The following CNTROB variants were observed in gnomAD, a reference collection of about 807,000 sequenced individuals.
CNTROB encodes the protein centrobin, centriole duplication and spindle assembly protein.
In CNTROB, 82 loss-of-function variants were observed where a neutral mutation model predicts 115.7. That is an observed-to-expected ratio of 0.71 (90% confidence interval 0.59 to 0.85). CNTROB has a LOEUF of 0.85. Among genes scored for constraint, CNTROB ranks in the 40% least tolerant of loss-of-function variants. The pLI, the probability that CNTROB is intolerant of heterozygous loss-of-function variation, is 0.00. For synonymous variants in CNTROB, 439 were observed against 456.4 expected (o/e 0.96, Z 0.49); for missense variants, 1,014 against 1,144.4 (o/e 0.89, Z 1.64).
rs1972861630 is a variant in CNTROB at position 7,934,150 on chromosome 17, C to T, written c.283C>T (p.His95Tyr). 1.2e-6 allele frequency: 2 copies of T among 1,613,920 alleles called. No homozygotes were observed. The highest frequency in any genetic ancestry group is 8.5e-7 in the Non-Finnish European group (1 of 1,179,940). The change falls in exon 2 of 19, where the codon CAT (histidine) becomes TAT (tyrosine). Residue 95 changes from histidine to tyrosine, a missense_variant. Coordinates refer to ENST00000563694, the MANE Select transcript of CNTROB (RefSeq NM_053051.5). ...KNLKKKDGSK[H>Y]IFEMESVRGQ... ...GGCTTTTTTCCAGGATGGTTCTAAG[C>T]ATATCTTTGAGATGGAAAGTGTTCG...
chr17:7,940,286 A>G, intron 9 of CNTROB, 44 bp downstream of exon 9: 1 of 1,544,020 alleles, frequency 6.5e-7, no homozygotes, highest in African/African-American at 1.4e-5. Context: ...TGACAGAAGT[A>G]GATCTGAGGC....
At chr17:7,938,777 C>G (rs531331192) in intron 7 of CNTROB, among the ~76,000 whole-genome samples, 6 of 152,150 alleles carry the variant, frequency 3.9e-5, no homozygotes, top group Non-Finnish European at 7.4e-5. Flanking sequence ...AGCTTGTCAA[C>G]TATTGTGTTT....
upstream of CNTROB, chr17:7,932,201 C>G: frequency 3.6e-6 from 1 of 277,826 alleles, no homozygotes. Context: ...GAGGCGGAGC[C>G]GTGGACAGTG....
chr17:7,934,356 A>AG, intron 2 of CNTROB, 109 bp from the exon 3 acceptor site: 1 of 1,317,962 alleles, frequency 7.6e-7, no homozygotes, highest in Non-Finnish European at 1.1e-6. Flanking sequence ...TCTTTGGGAG[A>AG]GGGGGTGAAG....
Position 7,943,617 on chromosome 17 carries a change from C to T in CNTROB, c.1445+93C>T. On this transcript the variant is annotated intron_variant, in intron 10 of 18. Transcript: ENST00000563694. The surrounding 1 kb of genome is among the most constrained non-coding windows in gnomAD (Gnocchi z 4.7). Reference sequence around the variant, plus strand: ...TCCCTTCAATCCCTTTGCCATGGTCCAGCACTGTGACTCCCAGGGTGCGCT... The same window carrying T: ...TCCCTTCAATCCCTTTGCCATGGTCTAGCACTGTGACTCCCAGGGTGCGCT... 2.2e-6 allele frequency: 3 copies of T among 1,376,210 alleles called. No individual in the cohort carries two copies. The highest frequency in any genetic ancestry group is 1.4e-5 in the African/African-American group (1 of 69,692). The allele number at this position is 1,376,210 out of a possible 1,614,324, so 85.2% of individuals were successfully genotyped here.
At position 7,939,716 on chromosome 17, in the gene CNTROB, G is replaced by A; in HGVS notation, c.1131G>A (p.Gln377=). Residue 377 remains glutamine, a synonymous_variant, in exon 8 of 19, where the codon CAG becomes CAA. Coordinates refer to ENST00000563694, the MANE Select transcript of CNTROB (RefSeq NM_053051.5). This position sits in a 1 kb window ranked among gnomAD's most constrained non-coding sequence, Gnocchi z 4.4. ...HQLKEHYQAL[Q]EESQAQLERE... ...TTAAGGAACACTACCAGGCGCTGCA[G>A]GAGGAGAGCCAGGCTCAGCTGGAAA... 1 of 1,614,158 alleles carries A rather than the reference G, an allele frequency of 6.2e-7. No homozygotes were observed. Among genetic ancestry groups the A allele is most frequent in the Non-Finnish European group, 8.5e-7 (1 of 1,180,040 alleles).
intron 9 of CNTROB, among the ~76,000 whole-genome samples, chr17:7,941,294 A>T (rs533404121): frequency 6.6e-6 from 1 of 152,296 alleles, no homozygotes; most frequent in African/African-American, 2.4e-5. Flanking sequence ...CAGTGAGGCC[A>T]GCATTTGAGA....
chr17:7,944,200 C>T lies in CNTROB; in HGVS notation c.1523C>T (p.Ala508Val), dbSNP rs755363090. 1.4e-5 allele frequency: 22 copies of T among 1,613,116 alleles called. No individual in the cohort carries two copies. In the Admixed American group the frequency reaches 3.7e-4, roughly 27 times the overall value. The part of the protein sequence containing the change: ...SQLAQFKVEM[A>V]EREERQQQVA... The stretch of plus-strand genomic sequence containing the variant: ...CTAGCTCAGTTCAAGGTGGAAATGG[C>T]AGAACGAGAGGAACGGCAACAGCAG... Residue 508 changes from alanine (A) to valine (V), a missense_variant, in exon 11 of 19, where the codon GCA becomes GTA. Transcript: ENST00000563694. This position sits in a 1 kb window ranked among gnomAD's most constrained non-coding sequence, Gnocchi z 4.0.
chr17:7,943,518 ATCACAGGTACGTGGGAC>A lies in CNTROB; in HGVS notation c.1444_1445+15del. The A allele has an allele frequency of 6.2e-7, 1 of 1,611,946 alleles. No individual in the cohort carries two copies. Among genetic ancestry groups the A allele is most frequent in the Non-Finnish European group, 8.5e-7 (1 of 1,178,518 alleles). ...CGGCAAGCAGCCTCCCTCAGGGAAC[ATCACAGGTACGTGGGAC>A]TCACTGGGTGTCACTTCTCTCAGCC... On this transcript the variant is annotated splice_donor_variant and splice_donor_5th_base_variant and coding_sequence_variant and intron_variant, in exon 10 of 19. Coordinates refer to ENST00000563694, the MANE Select transcript of CNTROB (RefSeq NM_053051.5). LOFTEE classifies it high-confidence loss of function. This position sits in a 1 kb window ranked among gnomAD's most constrained non-coding sequence, Gnocchi z 4.7.
chr17:7,943,677 G>A lies in CNTROB; in HGVS notation c.1445+153G>A. The A allele has an allele frequency of 3.8e-6, 3 of 799,894 alleles. No homozygotes were observed. The highest frequency in any genetic ancestry group is 5.7e-6 in the Non-Finnish European group (3 of 527,526). The allele number at this position is 799,894 out of a possible 1,614,324, so 49.5% of individuals were successfully genotyped here. A position where few individuals can be genotyped will look rare whatever the true frequency, so the allele number is the denominator to read the frequency against. ...CAGCTGGGACCTGAGTCTCTCTCGG[G>A]AGGGCTGCCTTCACGCGTTCATGGA... On this transcript the variant is annotated intron_variant, in intron 10 of 18. Transcript: ENST00000563694. The surrounding 1 kb of genome is among the most constrained non-coding windows in gnomAD (Gnocchi z 4.7).
rs1974799917 is a variant in CNTROB, at chr17:7,948,297, AG to A, written c.2351del (p.Ser784MetfsTer21). 6.2e-7 allele frequency: 1 copy of A among 1,614,008 alleles called. No individual in the cohort carries two copies. Among genetic ancestry groups the A allele is most frequent in the Non-Finnish European group, 8.5e-7 (1 of 1,180,024 alleles). ...GCCTCCCTCCTCCCATTCACAAGGC[AG>A]TGGTCCCAGCAGTGGTTCCCCAGAG... ...PEPPSSHSQG[S>X]GPSSGSPERG... On this transcript the variant is annotated frameshift_variant, in exon 16 of 19. Coordinates refer to ENST00000563694, the MANE Select transcript of CNTROB (RefSeq NM_053051.5). LOFTEE classifies it high-confidence loss of function. This position sits in a 1 kb window ranked among gnomAD's most constrained non-coding sequence, Gnocchi z 4.4.
At position 7,934,428 on chromosome 17, in the gene CNTROB, C is replaced by A. The variant is rs755569205; in HGVS notation, c.356-37C>A. 7 of 1,601,242 alleles carry A rather than the reference C, an allele frequency of 4.4e-6. No individual in the cohort carries two copies. In the South Asian group the frequency reaches 6.6e-5, roughly 15 times the overall value. The stretch of plus-strand genomic sequence containing the variant: ...AGGTGGCCCCTGTTTTTGTCATTAC[C>A]TGACTCTGGCTTTGGGGTCCCTCTG... On this transcript the variant is annotated intron_variant, in intron 2 of 18. Transcript: ENST00000563694.
In CNTROB at chr17:7,944,038, C is replaced by T. The variant is rs1420911402; in HGVS notation, c.1446-85C>T. 2.0e-6 allele frequency: 2 copies of T among 1,022,116 alleles called. No individual in the cohort carries two copies. The highest frequency in any genetic ancestry group is 3.2e-5 in the African/African-American group (2 of 63,128). The allele number at this position is 1,022,116 out of a possible 1,614,324, so 63.3% of individuals were successfully genotyped here. On this transcript the variant is annotated intron_variant, in intron 10 of 18. Coordinates refer to ENST00000563694, the MANE Select transcript of CNTROB (RefSeq NM_053051.5). The surrounding 1 kb of genome is among the most constrained non-coding windows in gnomAD (Gnocchi z 4.0). ...GCTGACTGGCTATCTGGGTCACTGT[C>T]ATGTGCACACATGATGTCTTTTTCT...
upstream of CNTROB, chr17:7,932,082 A>C: frequency 1.9e-5 from 10 of 532,576 alleles, no homozygotes; most frequent in East Asian, 3.2e-5. Context: ...CCCTCAGCCA[A>C]TCTGTGGCCA....
chr17:7,934,884 T>C, intron 3 of CNTROB, 105 bp from the exon 4 acceptor site: 1 of 1,304,518 alleles, frequency 7.7e-7, no homozygotes, highest in Non-Finnish European at 1.0e-6. Context: ...GACAAGTCTC[T>C]TGCCCTCTCT....
Position 7,932,348 on chromosome 17 carries a change from G to GA in CNTROB, c.-732_-731insA. On this transcript the variant is annotated 5_prime_UTR_variant, in exon 1 of 19. Transcript: ENST00000563694. ...GAAGGGTGGAGAGTAGGCGGAACCA[G>GA]GTGGTCGTCGGGGCAGAGGATCTCG... 6.0e-6 allele frequency: 1 copy of GA among 165,836 alleles called. No individual in the cohort carries two copies. Among genetic ancestry groups the GA allele is most frequent in the East Asian group, 1.8e-4 (1 of 5,560 alleles). 10.3% of individuals were successfully genotyped at this position (165,836 alleles called of 1,614,324 possible).
intron 9 of CNTROB, among the ~76,000 whole-genome samples, chr17:7,940,892 T>A (rs748687774): frequency 1.3e-5 from 2 of 152,208 alleles, no homozygotes; most frequent in African/African-American, 4.8e-5. Flanking sequence ...CTTTGTGGGT[T>A]GTATGGTCTC....
rs1257204695 is a variant in CNTROB at position 7,948,857 on chromosome 17, G to A, written c.2514-228G>A. 19 of 1,455,858 alleles carry A rather than the reference G, an allele frequency of 1.3e-5. No homozygotes were observed. In the East Asian group the frequency reaches 1.5e-4, roughly 11 times the overall value. The allele number at this position is 1,455,858 out of a possible 1,614,324, so 90.2% of individuals were successfully genotyped here. A position where few individuals can be genotyped will look rare whatever the true frequency, so the allele number is the denominator to read the frequency against. On this transcript the variant is annotated intron_variant, in intron 17 of 18. Transcript: ENST00000563694. This position sits in a 1 kb window ranked among gnomAD's most constrained non-coding sequence, Gnocchi z 4.4. ...CTTTTCCCCGGGTCTCTCTACCTTC[G>A]TTTTTTTCCTCTTTACCCCTCAGCT...
intron 17 of CNTROB, 34 bp from the exon 18 acceptor site, chr17:7,949,051 A>T: frequency 6.2e-7 from 1 of 1,612,356 alleles, no homozygotes; most frequent in Non-Finnish European, 8.5e-7. Flanking sequence ...GGGGACGGAG[A>T]TCCCCATCCT....
Sources: allele counts gnomAD v4.1 joint callset (sites outside exome capture counted in the v4.1 genomes callset), GRCh38; gene constraint gnomAD v4.1.1; non-coding constraint Gnocchi (gnomAD v3.1); transcripts MANE v1.5; gene names NCBI Gene and HGNC (gene_info 2026-07-23, HGNC 2026-07-21).